CADM1: variants seen among roughly 807,000 people sequenced by gnomAD.
CADM1 encodes cell adhesion molecule 1, also known as TSLC-1.
A neutral mutation model predicts 53.1 loss-of-function variants in CADM1; 15 were observed. The observed-to-expected ratio is 0.28, with a 90% confidence interval of 0.19 to 0.44. The LOEUF is 0.44. Among genes scored for constraint, CADM1 ranks in the 20% least tolerant of loss-of-function variants. CADM1 has a pLI of 1.00. For synonymous variants in CADM1, 281 were observed against 243.0 expected, an observed-to-expected ratio of 1.16 and a Z score of -1.45; for missense variants, 434 against 611.3, an observed-to-expected ratio of 0.71 and a Z score of 3.06.
chr11:115,418,459 T>C (rs1308856620), intron 1 of CADM1, among the ~76,000 whole-genome samples: 1 of 152,146 alleles, frequency 6.6e-6, no homozygotes, highest in Non-Finnish European at 1.5e-5. Context: ...AAAAATTCTA[T>C]TAGCCTCAGG....
At position 115,214,704 on chromosome 11, in the gene CADM1, T is replaced by G. The variant is rs374153035; in HGVS notation, c.898A>C (p.Ile300Leu). 6.2e-7 allele frequency: 1 copy of G among 1,613,978 alleles called. No homozygotes were observed. The highest frequency in any genetic ancestry group is 8.5e-7 in the Non-Finnish European group (1 of 1,179,972). ...HAVLSGPNLFINNLNKTDNGT... is the reference protein window; with the variant it reads ...HAVLSGPNLFLNNLNKTDNGT... ...TTATCTGTTTTGTTTAGGTTATTGATGAACAGGTTGGGCCCAGACAGTACG... is the reference window on the plus strand; with the variant it reads ...TTATCTGTTTTGTTTAGGTTATTGAGGAACAGGTTGGGCCCAGACAGTACG... The change falls in exon 7 of 12, where the codon ATC (isoleucine) becomes CTC (leucine). Residue 300 changes from isoleucine (I) to leucine (L), a missense_variant. This residue lies in a region of CADM1 where 311 missense variants were observed against 435.1 expected (regional missense o/e 0.71). Coordinates refer to ENST00000331581, the MANE Select transcript of CADM1 (RefSeq NM_001301043.2).
At chr11:115,389,627 A>C (rs1460249125) in intron 1 of CADM1, among the ~76,000 whole-genome samples, 1 of 152,182 alleles carries the variant, frequency 6.6e-6, no homozygotes, top group Non-Finnish European at 1.5e-5. Context: ...AACAGGACTA[A>C]AGATGATACA....
intron 1 of CADM1, among the ~76,000 whole-genome samples, chr11:115,245,760 A>ACAGT (rs754964282): frequency 1.8e-4 from 28 of 152,214 alleles, no homozygotes; most frequent in Non-Finnish European, 4.0e-4. Context: ...CAACGTAAAC[A>ACAGT]CAGTGTTCAC....
intron 5 of CADM1, among the ~76,000 whole-genome samples, chr11:115,223,454 A>T (rs1207096543): frequency 6.6e-6 from 1 of 152,204 alleles, no homozygotes; most frequent in East Asian, 1.9e-4. Flanking sequence ...AAGTATGTGC[A>T]TTAGAAGACT....
At chr11:115,342,426 G>C (rs987062452) in intron 1 of CADM1, among the ~76,000 whole-genome samples, 1 of 152,146 alleles carries the variant, frequency 6.6e-6, no homozygotes, top group Non-Finnish European at 1.5e-5. Flanking sequence ...GGAAGATAAA[G>C]AGATTCTACA....
chr11:115,409,654 G>C (rs182631722), intron 1 of CADM1, among the ~76,000 whole-genome samples: 1 of 151,816 alleles, frequency 6.6e-6, no homozygotes, highest in Non-Finnish European at 1.5e-5. Context: ...AATAATCCAC[G>C]GAGAATGCAT....
intron 9 of CADM1, among the ~76,000 whole-genome samples, chr11:115,195,104 C>T (rs193281839): frequency 2.0e-5 from 3 of 152,310 alleles, no homozygotes; most frequent in Admixed American, 2.0e-4. Context: ...AAGAAGATCC[C>T]TTGTGTCAGC....
intron 7 of CADM1, chr11:115,214,353 G>A: frequency 1.9e-6 from 1 of 519,422 alleles, no homozygotes; most frequent in Non-Finnish European, 3.5e-6. Flanking sequence ...GCTTGTGCCT[G>A]AGGACACAGC....
chr11:115,401,040 C>T (rs958298054), intron 1 of CADM1, among the ~76,000 whole-genome samples: 6 of 152,228 alleles, frequency 3.9e-5, no homozygotes, highest in East Asian at 1.9e-4. Flanking sequence ...AAAACCCGCA[C>T]GCAGATGTTT....
intron 1 of CADM1, among the ~76,000 whole-genome samples, chr11:115,342,008 T>C (rs758224158): frequency 3.9e-5 from 6 of 152,272 alleles, no homozygotes; most frequent in South Asian, 2.1e-4. Context: ...TAATCCAACG[T>C]CTTAGGCTAA....
chr11:115,210,926 G>GAGA (rs1026110882), intron 7 of CADM1, among the ~76,000 whole-genome samples: 1 of 152,136 alleles, frequency 6.6e-6, no homozygotes, highest in African/African-American at 2.4e-5. Flanking sequence ...GAAATTAACA[G>GAGA]AGAAGAATCA....
intron 4 of CADM1, 45 bp from the exon 5 acceptor site, chr11:115,229,316 T>C: frequency 6.2e-7 from 1 of 1,602,074 alleles, no homozygotes. Context: ...TGGGTGAATT[T>C]CCATCAGTTT....
intron 5 of CADM1, 111 bp from the exon 6 acceptor site, chr11:115,218,102 G>A (rs1266675425): frequency 9.6e-6 from 7 of 727,032 alleles, no homozygotes; most frequent in South Asian, 1.5e-5. Context: ...TCTCCCATCC[G>A]ATGCCTTCAG....
At chr11:115,306,634 C>T (rs989682751) in intron 1 of CADM1, among the ~76,000 whole-genome samples, 4 of 151,794 alleles carry the variant, frequency 2.6e-5, no homozygotes, top group Non-Finnish European at 4.4e-5. Context: ...CTTAGACTTC[C>T]GGGTCATTAA....
At chr11:115,322,126 A>T (rs1944839353) in intron 1 of CADM1, among the ~76,000 whole-genome samples, 1 of 152,180 alleles carries the variant, frequency 6.6e-6, no homozygotes, top group South Asian at 2.1e-4. Context: ...GAACAGGAGG[A>T]CAGAAGCTTC....
At chr11:115,210,980 T>TA (rs1308872330) in intron 7 of CADM1, among the ~76,000 whole-genome samples, 1 of 152,186 alleles carries the variant, frequency 6.6e-6, no homozygotes, top group Admixed American at 6.5e-5. Flanking sequence ...AAGATGGGGA[T>TA]ACAAGCAGTT....
In CADM1 at chr11:115,176,362, T is replaced by C; in HGVS notation, c.*112A>G. 6.3e-7 allele frequency: 1 copy of C among 1,591,338 alleles called. No individual in the cohort carries two copies. The highest frequency in any genetic ancestry group is 8.6e-7 in the Non-Finnish European group (1 of 1,165,896). ...TCCCAAGCCTTCCCAGTCTCACACC[T>C]TTCCACCCATTCATAAAAAAACACA... On this transcript the variant is annotated 3_prime_UTR_variant, in exon 12 of 12. Coordinates refer to ENST00000331581, the MANE Select transcript of CADM1 (RefSeq NM_001301043.2).
At chr11:115,300,793 G>T (rs569510321) in intron 1 of CADM1, among the ~76,000 whole-genome samples, 1 of 152,044 alleles carries the variant, frequency 6.6e-6, no homozygotes, top group South Asian at 2.1e-4. Flanking sequence ...ATGATCATCC[G>T]GAAGAGGTGA....
intron 1 of CADM1, among the ~76,000 whole-genome samples, chr11:115,406,438 T>A (rs1947314195): frequency 6.6e-6 from 1 of 150,848 alleles, no homozygotes; most frequent in Non-Finnish European, 1.5e-5. Context: ...ATTTCCATAA[T>A]AAATTTAAAG....
Sources: gnomAD v4.1 joint callset for allele counts (sites outside exome capture counted in the v4.1 genomes callset) on GRCh38, gnomAD v4.1.1 for gene constraint, gnomAD v4.1.1 regional missense constraint, MANE v1.5 for transcripts, NCBI Gene and HGNC (gene_info 2026-07-23, HGNC 2026-07-21) for gene names.